Variants in SHROOM3 observed in about 807,000 individuals in gnomAD.
SHROOM3 encodes the protein shroom family member 3, also known as protein Shroom3.
SHROOM3 carries 47 observed loss-of-function variants against 138.6 expected under a neutral mutation model. The ratio of observed to expected loss-of-function variants is 0.34; its 90% CI spans 0.27 to 0.43. The LOEUF is 0.43. Among genes scored for constraint, SHROOM3 ranks in the 20% least tolerant of loss-of-function variants. The pLI is 1.00. For missense variants in SHROOM3, 2,491 were observed against 2,596.5 expected (o/e 0.96, Z 0.88); for synonymous variants, 1,062 against 1,063.3 (o/e 1.00, Z 0.02).
At chr4:76,572,584 A>G (rs1733854421) in intron 2 of SHROOM3, among the ~76,000 whole-genome samples, 1 of 152,218 alleles carries the variant, frequency 6.6e-6, no homozygotes, top group Admixed American at 6.5e-5. Context: ...GACTCATTTC[A>G]TAATTTTGGG....
chr4:76,453,114 G>A (rs970940559), intron 1 of SHROOM3, among the ~76,000 whole-genome samples: 4 of 152,144 alleles, frequency 2.6e-5, no homozygotes, highest in African/African-American at 7.2e-5. Flanking sequence ...TGGCATTGAA[G>A]AATCATATGG....
At chr4:76,542,218 C>T (rs959570622) in intron 1 of SHROOM3, among the ~76,000 whole-genome samples, 3 of 152,168 alleles carry the variant, frequency 2.0e-5, no homozygotes, top group African/African-American at 7.2e-5. Flanking sequence ...TCTCAATATT[C>T]CCCAGCAGTA....
chr4:76,725,149 C>T, intron 3 of SHROOM3, among the ~76,000 whole-genome samples: 1 of 150,624 alleles, frequency 6.6e-6, no homozygotes, highest in Non-Finnish European at 1.5e-5. Flanking sequence ...CCCCTCCCCA[C>T]CCCCACCGCC....
intron 1 of SHROOM3, among the ~76,000 whole-genome samples, chr4:76,443,617 A>C (rs149677402): frequency 2.0e-4 from 31 of 152,294 alleles, no homozygotes; most frequent in African/African-American, 7.5e-4. Context: ...CTGACATCCC[A>C]GGCACTTCTC....
intron 1 of SHROOM3, among the ~76,000 whole-genome samples, chr4:76,487,290 G>A (rs1019059971): frequency 3.6e-4 from 54 of 152,044 alleles, no homozygotes; most frequent in Non-Finnish European, 5.9e-4. Context: ...CTTTTTTATT[G>A]CCAAGTTATA....
intron 2 of SHROOM3, among the ~76,000 whole-genome samples, chr4:76,578,990 C>T (rs1010396543): frequency 5.9e-5 from 9 of 151,846 alleles, no homozygotes; most frequent in Non-Finnish European, 1.3e-4. Context: ...CATAATGAGA[C>T]CCTGACTTTA....
At position 76,759,531 on chromosome 4, in the gene SHROOM3, T is replaced by C. The variant is rs1391488769; in HGVS notation, c.5199-14T>C. The C allele has an allele frequency of 1.2e-6, 2 of 1,613,834 alleles. No homozygotes were observed. Among genetic ancestry groups the C allele is most frequent in the Non-Finnish European group, 8.5e-7 (1 of 1,179,932 alleles). On this transcript the variant is annotated splice_polypyrimidine_tract_variant and intron_variant, in intron 8 of 10. Coordinates refer to ENST00000296043, the MANE Select transcript of SHROOM3 (RefSeq NM_020859.4). ...TGATCTGTGTGGCTATACTTTGTGCTCTTTTTGGCCCAGGAATGAAGACAA... is the reference window on the plus strand; with the variant it reads ...TGATCTGTGTGGCTATACTTTGTGCCCTTTTTGGCCCAGGAATGAAGACAA...
chr4:76,747,246 G>GTT (rs199685493), intron 5 of SHROOM3, among the ~76,000 whole-genome samples: 1 of 150,982 alleles, frequency 6.6e-6, no homozygotes, highest in African/African-American at 2.4e-5. Flanking sequence ...CATAGCCACT[G>GTT]TTTTTTTTTC....
At chr4:76,623,634 A>G (rs1735055695) in intron 2 of SHROOM3, among the ~76,000 whole-genome samples, 1 of 152,222 alleles carries the variant, frequency 6.6e-6, no homozygotes, top group South Asian at 2.1e-4. Flanking sequence ...GTTCTTATTC[A>G]ATTAAAACTT....
chr4:76,678,954 A>C (rs1019611596), intron 2 of SHROOM3, among the ~76,000 whole-genome samples: 1 of 152,116 alleles, frequency 6.6e-6, no homozygotes, highest in African/African-American at 2.4e-5. Flanking sequence ...GAGCCACCCC[A>C]CCCAGCCGAG....
At chr4:76,727,705 T>C (rs989804126) in intron 3 of SHROOM3, among the ~76,000 whole-genome samples, 17 of 151,860 alleles carry the variant, frequency 1.1e-4, no homozygotes, top group Non-Finnish European at 1.9e-4. Flanking sequence ...CTGGCCAATA[T>C]GGTGAAAGCC....
At position 76,514,070 on chromosome 4, in the gene SHROOM3, A is replaced by T. The variant is rs571963491; in HGVS notation, c.169-41539A>T. Among the ~76,000 whole-genome samples, 190 of 152,354 alleles carry T rather than the reference A, an allele frequency of 1.2e-3. 1 individual carries two copies. The highest frequency in any genetic ancestry group is 0.01 in the Middle Eastern group (3 of 294). On this transcript the variant is annotated intron_variant, in intron 1 of 10. Transcript: ENST00000296043. ...CTGGTTTAAGTAAAAAATATGAAGC[A>T]TAGTAACAATTTTCAGCCACTCTGG...
chr4:76,701,126 T>G (rs1290602021), intron 2 of SHROOM3, among the ~76,000 whole-genome samples: 2 of 152,134 alleles, frequency 1.3e-5, no homozygotes, highest in Non-Finnish European at 2.9e-5. Context: ...ATTTCAGCAG[T>G]GTGACCGGCG....
intron 2 of SHROOM3, among the ~76,000 whole-genome samples, chr4:76,704,369 A>G (rs950221713): frequency 1.3e-5 from 2 of 152,228 alleles, no homozygotes; most frequent in Admixed American, 6.5e-5. Context: ...GACAATGCAC[A>G]AGTGAACAAT....
intron 1 of SHROOM3, among the ~76,000 whole-genome samples, chr4:76,443,027 A>G (rs983667967): frequency 2.6e-5 from 4 of 152,246 alleles, no homozygotes; most frequent in Non-Finnish European, 4.4e-5. Flanking sequence ...AGTTGGGCTC[A>G]GTCTGACCAT....
At chr4:76,622,596 T>C (rs554148086) in intron 2 of SHROOM3, among the ~76,000 whole-genome samples, 14 of 152,200 alleles carry the variant, frequency 9.2e-5, no homozygotes, top group African/African-American at 3.4e-4. Context: ...TAAGCAAATA[T>C]AGATTATATT....
rs1237832392 is a variant in SHROOM3, at chr4:76,748,995, T to C, written c.3754-22T>C. ...AACACCCGTTTATTGGCAGTAATGC[T>C]GTGCCTTTCTTGTGTTTCAAGGATG... On this transcript the variant is annotated intron_variant, in intron 5 of 10. Coordinates refer to ENST00000296043, the MANE Select transcript of SHROOM3 (RefSeq NM_020859.4). The C allele has an allele frequency of 1.9e-6, 3 of 1,612,550 alleles. No homozygotes were observed. The South Asian group carries it at 3.3e-5, about 18-fold the overall frequency.
In SHROOM3 at chr4:76,535,921, G is replaced by A. The variant is rs116831815; in HGVS notation, c.169-19688G>A. ...GTCAAAAGAGAAGAATAAGCCACAG[G>A]CGGAGGAAGAAATGCGGAGCTGATA... On this transcript the variant is annotated intron_variant, in intron 1 of 10. Transcript: ENST00000296043. Among the ~76,000 whole-genome samples, 541 of 152,306 alleles carry A rather than the reference G, an allele frequency of 3.6e-3. 2 individuals carry two copies. Among genetic ancestry groups the A allele is most frequent in the Non-Finnish European group, 5.6e-3 (382 of 68,026 alleles).
chr4:76,684,510 T>C (rs1171392821), intron 2 of SHROOM3, among the ~76,000 whole-genome samples: 2 of 152,260 alleles, frequency 1.3e-5, no homozygotes, highest in Admixed American at 6.5e-5. Context: ...TTTGGTAGCA[T>C]AGATAGTGAA....
Sources: allele counts gnomAD v4.1 joint callset (sites outside exome capture counted in the v4.1 genomes callset), GRCh38; gene constraint gnomAD v4.1.1; transcripts MANE v1.5; gene names NCBI Gene and HGNC (gene_info 2026-07-23, HGNC 2026-07-21).